The following PRELID2 variants were observed in gnomAD, a reference collection of about 807,000 sequenced individuals.
PRELID2 encodes the protein PRELI domain-containing protein 2.
PRELID2 carries 25 observed loss-of-function variants against 28.4 expected under a neutral mutation model. The ratio of observed to expected loss-of-function variants is 0.88; its 90% CI spans 0.64 to 1.23. The LOEUF (loss-of-function observed/expected upper bound fraction) is 1.23. Ranked by LOEUF, PRELID2 falls within the 50% of genes most tolerant of loss-of-function variation. PRELID2 has a pLI of 0.00. For missense variants in PRELID2, 201 were observed against 214.4 expected, an observed-to-expected ratio of 0.94 and a Z score of 0.39; for synonymous variants, 76 against 71.6, an observed-to-expected ratio of 1.06 and a Z score of -0.31.
At chr5:145,630,483 A>G (rs957932698) in intron 1 of PRELID2, among the ~76,000 whole-genome samples, 1 of 152,234 alleles carries the variant, frequency 6.6e-6, no homozygotes, top group African/African-American at 2.4e-5. Flanking sequence ...AACATTCTCC[A>G]TTGCACAAGC....
chr5:145,656,051 A>C (rs1006672049), intron 1 of PRELID2, among the ~76,000 whole-genome samples: 2 of 152,232 alleles, frequency 1.3e-5, no homozygotes, highest in Non-Finnish European at 2.9e-5. Context: ...AAACAAATTT[A>C]TGAGAAAAAA....
chr5:145,349,724 G>T, the PRELID2 span, among the ~76,000 whole-genome samples: 1 of 152,152 alleles, frequency 6.6e-6, no homozygotes, highest in South Asian at 2.1e-4. Flanking sequence ...GGGACCTATA[G>T]CTATTTCAGA....
the PRELID2 span, among the ~76,000 whole-genome samples, chr5:145,415,313 G>C: frequency 1.3e-5 from 2 of 148,522 alleles, no homozygotes; most frequent in East Asian, 3.9e-4. Flanking sequence ...TTAAGTTTTA[G>C]GGTACATGTG....
At position 145,543,582 on chromosome 5, in the gene PRELID2, A is replaced by T. The variant is rs1158449806; in HGVS notation, n.71-70267T>A. On this transcript the variant is annotated intron_variant and non_coding_transcript_variant, in intron 1 of 2. Transcript: ENST00000510259. The stretch of plus-strand genomic sequence containing the variant: ...ACTAAGATAACTTGAGAGAACTGAA[A>T]TATTTTCCTTCTCAAACTTTCTTTC... Among the ~76,000 whole-genome samples, 4 of 152,240 alleles carry T rather than the reference A, an allele frequency of 2.6e-5. No individual in the cohort carries two copies. In the East Asian group the frequency reaches 7.7e-4, roughly 29 times the overall value.
At chr5:145,730,819 T>C (rs1972776) in intron 1 of PRELID2, among the ~76,000 whole-genome samples, 123,528 of 151,528 alleles carry the variant, frequency 0.82, 50,770 homozygotes, top group East Asian at 0.88. Context: ...AGGCTAGCCC[T>C]AAGATAAACC....
intron 1 of PRELID2, among the ~76,000 whole-genome samples, chr5:145,826,518 T>G (rs1755205035): frequency 6.6e-6 from 1 of 152,218 alleles, no homozygotes; most frequent in African/African-American, 2.4e-5. Context: ...TCCTTATAAT[T>G]TTTAATTTCT....
intron 1 of PRELID2, among the ~76,000 whole-genome samples, chr5:145,510,870 G>A (rs887806128): frequency 6.6e-6 from 1 of 152,198 alleles, no homozygotes; most frequent in African/African-American, 2.4e-5. Flanking sequence ...TACCTGATTA[G>A]AAGACCTGTT....
At chr5:145,464,117 A>G in the PRELID2 span, among the ~76,000 whole-genome samples, 10 of 152,206 alleles carry the variant, frequency 6.6e-5, no homozygotes, top group Admixed American at 1.3e-4. Context: ...CTCATATATC[A>G]GATAGGAAAC....
At chr5:145,750,546 T>C (rs1757099069) in intron 1 of PRELID2, among the ~76,000 whole-genome samples, 1 of 152,146 alleles carries the variant, frequency 6.6e-6, no homozygotes, top group African/African-American at 2.4e-5. Context: ...AGTTTTCATC[T>C]TAATCTATTG....
At chr5:145,785,463 T>C (rs1320899247) in intron 5 of PRELID2, among the ~76,000 whole-genome samples, 2 of 152,234 alleles carry the variant, frequency 1.3e-5, no homozygotes, top group Non-Finnish European at 1.5e-5. Context: ...CAGCACATGA[T>C]GTATACTACG....
intron 1 of PRELID2, among the ~76,000 whole-genome samples, chr5:145,502,474 T>G (rs899939042): frequency 6.6e-6 from 1 of 151,978 alleles, no homozygotes; most frequent in South Asian, 2.1e-4. Context: ...GAAATTAAGG[T>G]AGAGATAACA....
chr5:145,431,015 T>TG, the PRELID2 span, among the ~76,000 whole-genome samples: 3 of 142,706 alleles, frequency 2.1e-5, no homozygotes, highest in East Asian at 2.0e-4. Flanking sequence ...GGTTTTTTTT[T>TG]TTTTTTTTTT....
chr5:145,337,743 ACAC>A, the PRELID2 span, among the ~76,000 whole-genome samples: 1 of 143,552 alleles, frequency 7.0e-6, no homozygotes, highest in African/African-American at 2.6e-5. Flanking sequence ...TCACACACAC[ACAC>A]ACACACACAC....
intron 1 of PRELID2, among the ~76,000 whole-genome samples, chr5:145,478,735 T>A (rs1311359407): frequency 6.6e-6 from 1 of 152,204 alleles, no homozygotes. Context: ...ATAAATGTTA[T>A]GTTTACTTGT....
intron 1 of PRELID2, among the ~76,000 whole-genome samples, chr5:145,700,779 C>A (rs1378408104): frequency 2.0e-5 from 3 of 152,162 alleles, no homozygotes; most frequent in African/African-American, 7.2e-5. Flanking sequence ...CTCACAAATA[C>A]CAATATCGGT....
the PRELID2 span, among the ~76,000 whole-genome samples, chr5:145,347,039 G>A: frequency 7.9e-5 from 12 of 152,196 alleles, no homozygotes; most frequent in East Asian, 1.9e-4. Context: ...TGTGTGTATC[G>A]GAAGGGGAAA....
the PRELID2 span, among the ~76,000 whole-genome samples, chr5:145,254,335 T>C: frequency 1.3e-5 from 2 of 152,116 alleles, no homozygotes; most frequent in Non-Finnish European, 2.9e-5. Flanking sequence ...TTATTATTTG[T>C]TATTACTACT....
chr5:145,300,492 T>C, the PRELID2 span, among the ~76,000 whole-genome samples: 1 of 152,074 alleles, frequency 6.6e-6, no homozygotes, highest in Admixed American at 6.6e-5. Flanking sequence ...AATATAAGTT[T>C]TTATTTAAGC....
the PRELID2 span, chr5:145,229,944 G>A: frequency 1.1e-4 from 80 of 747,744 alleles, no homozygotes; most frequent in African/African-American, 2.0e-4. Context: ...GCTGATGAGC[G>A]TGAACGTGCA....
Sources: gnomAD v4.1 joint callset for allele counts (sites outside exome capture counted in the v4.1 genomes callset) on GRCh38, gnomAD v4.1.1 for gene constraint, MANE v1.5 for transcripts, NCBI Gene and HGNC (gene_info 2026-07-23, HGNC 2026-07-21) for gene names.